The following WDR17 variants were observed in gnomAD, a reference collection of about 807,000 sequenced individuals.
WDR17 encodes WD repeat-containing protein 17.
In WDR17, 143 loss-of-function variants were observed where a neutral mutation model predicts 161.7. That is an observed-to-expected ratio of 0.88 (90% confidence interval 0.77 to 1.02). The LOEUF (loss-of-function observed/expected upper bound fraction) is 1.02, where lower values mean the gene tolerates loss of function less well. Among genes scored for constraint, WDR17 ranks in the 50% least tolerant of loss-of-function variants. WDR17 has a pLI of 0.00. For synonymous variants in WDR17, 517 were observed against 515.6 expected, an observed-to-expected ratio of 1.00 and a Z score of -0.04; for missense variants, 1,469 against 1,520.9, an observed-to-expected ratio of 0.97 and a Z score of 0.57.
At chr4:176,152,433 A>G (rs183428660) in intron 17 of WDR17, among the ~76,000 whole-genome samples, 45 of 151,648 alleles carry the variant, frequency 3.0e-4, no homozygotes, top group African/African-American at 1.0e-3. Flanking sequence ...TGTCTCTGCT[A>G]AAATACAGAA....
At chr4:176,130,762 A>AAT (rs1743310227) in intron 6 of WDR17, among the ~76,000 whole-genome samples, 4 of 150,814 alleles carry the variant, frequency 2.7e-5, no homozygotes, top group African/African-American at 7.3e-5. Flanking sequence ...AAAAAAAAAA[A>AAT]ACTGAGAAAT....
chr4:176,160,050 C>T lies in WDR17; in HGVS notation c.2582C>T (p.Ala861Val). The T allele has an allele frequency of 6.2e-7, 1 of 1,613,582 alleles. No homozygotes were observed. ...GATGATGTCATTCCATACTGCATAGCCATTGGTGATGTGAAAAAGCTAGTC... is the reference window on the plus strand; with the variant it reads ...GATGATGTCATTCCATACTGCATAGTCATTGGTGATGTGAAAAAGCTAGTC... Reference protein sequence around the residue: ...DKDDVIPYCIAIGDVKKLVHF... With the variant: ...DKDDVIPYCIVIGDVKKLVHF... The change falls in exon 19 of 29, where the codon GCC becomes GTC. Residue 861 changes from alanine to valine, a missense_variant. Ala to Val is a moderately conservative substitution (Grantham distance 64). Coordinates refer to ENST00000508596, the MANE Select transcript of WDR17 (RefSeq NM_181265.4).
intron 11 of WDR17, among the ~76,000 whole-genome samples, chr4:176,144,243 AG>A (rs1322341915): frequency 2.0e-5 from 3 of 152,172 alleles, no homozygotes; most frequent in African/African-American, 7.2e-5. Flanking sequence ...ATATGAAGTA[AG>A]TTTCCCATAT....
At chr4:176,079,843 A>AG (rs1033824880) in intron 1 of WDR17, among the ~76,000 whole-genome samples, 1 of 151,918 alleles carries the variant, frequency 6.6e-6, no homozygotes, top group Non-Finnish European at 1.5e-5. Context: ...TCACAAGGCG[A>AG]GGGGGGGTGA....
chr4:176,144,953 T>G (rs889590609), intron 11 of WDR17, among the ~76,000 whole-genome samples: 2 of 152,172 alleles, frequency 1.3e-5, no homozygotes, highest in South Asian at 4.1e-4. Context: ...ATGTAGAAAC[T>G]GTCTTGTTTA....
At chr4:176,133,158 G>GA (rs1301174958) in intron 7 of WDR17, among the ~76,000 whole-genome samples, 50 of 110,634 alleles carry the variant, frequency 4.5e-4, no homozygotes, top group South Asian at 3.3e-3. Flanking sequence ...ACCATTCGAA[G>GA]AAAAAAAAAA....
intron 1 of WDR17, among the ~76,000 whole-genome samples, chr4:176,099,202 A>C (rs1737398403): frequency 6.6e-6 from 1 of 152,166 alleles, no homozygotes; most frequent in Admixed American, 6.6e-5. Context: ...AACTCTTCCT[A>C]GATCCACCTG....
intron 18 of WDR17, 132 bp from the exon 19 acceptor site, chr4:176,159,862 T>C: frequency 1.2e-6 from 1 of 810,118 alleles, no homozygotes. Flanking sequence ...TAAAATGTCT[T>C]TTTTAAAAGT....
rs36009561 is a variant in WDR17, at chr4:176,081,418, C to CT, written c.-7+15347dup. ...TTCCCTCTCAAAGTTCCAACCTCAC[C>CT]TTTTTTTTATACAGCCTTCTTGGCC... On this transcript the variant is annotated intron_variant, in intron 1 of 28. Transcript: ENST00000508596. Among the ~76,000 whole-genome samples, 3 of 151,750 alleles carry CT rather than the reference C, an allele frequency of 2.0e-5. No homozygotes were observed. In the East Asian group the frequency reaches 5.8e-4, roughly 29 times the overall value.
At chr4:176,147,783 T>C (rs35155674) in intron 12 of WDR17, among the ~76,000 whole-genome samples, 32,297 of 129,920 alleles carry the variant, frequency 0.25, 3,614 homozygotes, top group South Asian at 0.32. Context: ...TGAAATAATA[T>C]GTTTACTACC....
chr4:176,114,208 T>TA (rs977832555), intron 2 of WDR17, among the ~76,000 whole-genome samples: 71 of 152,176 alleles, frequency 4.7e-4, no homozygotes, highest in Non-Finnish European at 8.1e-4. Context: ...ATTTAAAACT[T>TA]AAAAACCTAT....
intron 3 of WDR17, among the ~76,000 whole-genome samples, chr4:176,118,099 C>T (rs1740925782): frequency 6.6e-6 from 1 of 152,162 alleles, no homozygotes; most frequent in South Asian, 2.1e-4. Context: ...TAAAAATTGT[C>T]ACCAACTTGA....
chr4:176,133,288 A>G (rs1743843837), intron 7 of WDR17, among the ~76,000 whole-genome samples: 4 of 145,164 alleles, frequency 2.8e-5, no homozygotes, highest in Admixed American at 2.7e-4. Flanking sequence ...GAAGAAGAAG[A>G]AAAGAGAAAG....
At chr4:176,074,475 A>G (rs548378210) in intron 1 of WDR17, among the ~76,000 whole-genome samples, 2 of 151,892 alleles carry the variant, frequency 1.3e-5, no homozygotes, top group African/African-American at 4.8e-5. Flanking sequence ...TTTTTAAAAA[A>G]GGACAGAGTC....
chr4:176,125,020 T>C, intron 4 of WDR17, 84 bp from the exon 5 acceptor site: 5 of 1,464,868 alleles, frequency 3.4e-6, no homozygotes, highest in Non-Finnish European at 4.7e-6. Context: ...AGATAGATAT[T>C]GTACAAGGAA....
At chr4:176,106,747 A>T (rs1429309680) in intron 1 of WDR17, among the ~76,000 whole-genome samples, 1 of 152,196 alleles carries the variant, frequency 6.6e-6, no homozygotes, top group Non-Finnish European at 1.5e-5. Context: ...TGAGGCCAGG[A>T]GTTCGAGACC....
chr4:176,123,652 A>G (rs1741957968), intron 4 of WDR17, among the ~76,000 whole-genome samples: 1 of 152,242 alleles, frequency 6.6e-6, no homozygotes, highest in Non-Finnish European at 1.5e-5. Flanking sequence ...GGGAAAGGAC[A>G]TGGGGCTTCC....
At chr4:176,081,265 A>G (rs1734713185) in intron 1 of WDR17, among the ~76,000 whole-genome samples, 1 of 152,090 alleles carries the variant, frequency 6.6e-6, no homozygotes, top group African/African-American at 2.4e-5. Flanking sequence ...CATCTCCTAT[A>G]AAGTAAAATT....
At position 176,139,047 on chromosome 4, in the gene WDR17, A is replaced by G. The variant is rs577638253; in HGVS notation, c.1360-845A>G. Among the ~76,000 whole-genome samples, 7 of 152,010 alleles carry G rather than the reference A, an allele frequency of 4.6e-5. 1 individual carries two copies. The highest frequency in any genetic ancestry group is 1.7e-4 in the African/African-American group (7 of 41,548). On this transcript the variant is annotated intron_variant, in intron 9 of 28. Coordinates refer to ENST00000508596, the MANE Select transcript of WDR17 (RefSeq NM_181265.4). Reference sequence around the variant, plus strand: ...TAGTCCCATTTTTAAATCTGCCTGCATAAACCTACCCTCTTTGATCCCCAA... The same window carrying G: ...TAGTCCCATTTTTAAATCTGCCTGCGTAAACCTACCCTCTTTGATCCCCAA...
Sources: allele counts gnomAD v4.1 joint callset (sites outside exome capture counted in the v4.1 genomes callset), GRCh38; gene constraint gnomAD v4.1.1; transcripts MANE v1.5; gene names NCBI Gene and HGNC (gene_info 2026-07-23, HGNC 2026-07-21).